Variants in PRMT3 observed in about 807,000 individuals in gnomAD.
PRMT3 encodes the protein protein arginine N-methyltransferase 3.
In PRMT3, 62 loss-of-function variants were observed where a neutral mutation model predicts 71.9. That is an observed-to-expected ratio of 0.86 (90% confidence interval 0.70 to 1.07). The LOEUF (loss-of-function observed/expected upper bound fraction) is 1.07, where lower values mean the gene tolerates loss of function less well. Ranked by LOEUF, PRMT3 falls within the 50% of genes least tolerant of loss-of-function variation. PRMT3 has a pLI of 0.00. For synonymous variants in PRMT3, 213 were observed against 220.4 expected (o/e 0.97, Z 0.30); for missense variants, 663 against 643.0 (o/e 1.03, Z -0.34).
chr11:20,404,333 A>G (rs930352953), intron 8 of PRMT3, among the ~76,000 whole-genome samples: 2 of 143,698 alleles, frequency 1.4e-5, no homozygotes, highest in Admixed American at 7.5e-5. Context: ...TCCTGGGTTC[A>G]AGCGATTCTC....
intron 13 of PRMT3, among the ~76,000 whole-genome samples, chr11:20,483,065 A>G (rs1053796511): frequency 2.6e-5 from 4 of 152,066 alleles, no homozygotes; most frequent in Admixed American, 6.6e-5. Flanking sequence ...CACATCTTCT[A>G]TATGTCCCCC....
chr11:20,470,604 A>ATGTATATGTACCACATTTTCTTT (rs1850620973), intron 13 of PRMT3, among the ~76,000 whole-genome samples: 1 of 152,098 alleles, frequency 6.6e-6, no homozygotes, highest in Non-Finnish European at 1.5e-5. Context: ...CATGGTGTAT[A>ATGTATATGTACCACATTTTCTTT]TGTATATGTA....
chr11:20,398,012 T>TAAAAA (rs11424785), intron 7 of PRMT3, among the ~76,000 whole-genome samples: 1 of 121,712 alleles, frequency 8.2e-6, no homozygotes, highest in Non-Finnish European at 1.7e-5. Context: ...TGTCTCTATT[T>TAAAAA]AAAAAAAAAA....
chr11:20,422,929 A>C (rs1411312052), intron 9 of PRMT3, among the ~76,000 whole-genome samples: 1 of 152,200 alleles, frequency 6.6e-6, no homozygotes, highest in African/African-American at 2.4e-5. Context: ...TGAATTGATA[A>C]CCCATCCACC....
rs200679773 is a variant in PRMT3, at chr11:20,392,202, C to T, written c.248-9C>T. The T allele has an allele frequency of 2.5e-5, 39 of 1,571,364 alleles. No individual in the cohort carries two copies. The highest frequency in any genetic ancestry group is 3.0e-5 in the Non-Finnish European group (35 of 1,151,662). On this transcript the variant is annotated splice_polypyrimidine_tract_variant and intron_variant, in intron 3 of 15. Coordinates refer to ENST00000331079, the MANE Select transcript of PRMT3 (RefSeq NM_005788.4). ...TTAACATAGGTGAATTATCTTTTTC[C>T]CCCTTTAGGACTTGAATTTTATGGA...
intron 9 of PRMT3, among the ~76,000 whole-genome samples, chr11:20,416,304 T>C (rs903371952): frequency 6.6e-6 from 1 of 152,136 alleles, no homozygotes; most frequent in Non-Finnish European, 1.5e-5. Flanking sequence ...GAGGGTAAAT[T>C]ACATATGATT....
chr11:20,493,583 A>T (rs1000283276), intron 13 of PRMT3, among the ~76,000 whole-genome samples: 1 of 152,212 alleles, frequency 6.6e-6, no homozygotes, highest in South Asian at 2.1e-4. Flanking sequence ...GTGGGTGGAC[A>T]TCTCAGTTGG....
intron 10 of PRMT3, among the ~76,000 whole-genome samples, chr11:20,432,911 G>C (rs1489880667): frequency 6.6e-6 from 1 of 151,936 alleles, no homozygotes. Flanking sequence ...TTGGGTTTTT[G>C]CTGTTGAGCT....
chr11:20,490,730 G>A (rs1031250888), intron 13 of PRMT3, among the ~76,000 whole-genome samples: 2 of 152,158 alleles, frequency 1.3e-5, no homozygotes, highest in South Asian at 2.1e-4. Flanking sequence ...ATGAGAGGCT[G>A]TTACATGAGT....
intron 13 of PRMT3, among the ~76,000 whole-genome samples, chr11:20,476,755 G>GTT (rs11380250): frequency 1.3e-4 from 19 of 150,170 alleles, no homozygotes; most frequent in African/African-American, 2.2e-4. Flanking sequence ...CATTTTTAGA[G>GTT]TTTTTTTATC....
intron 10 of PRMT3, among the ~76,000 whole-genome samples, chr11:20,439,069 C>G (rs1369929835): frequency 6.6e-6 from 1 of 152,194 alleles, no homozygotes; most frequent in Non-Finnish European, 1.5e-5. Context: ...CTACTCACCC[C>G]TGAAGCAAGG....
At chr11:20,424,197 A>G (rs1849491638) in intron 9 of PRMT3, among the ~76,000 whole-genome samples, 1 of 152,016 alleles carries the variant, frequency 6.6e-6, no homozygotes, top group Admixed American at 6.6e-5. Flanking sequence ...AAAAAAAAAA[A>G]AAAATTGATA....
At chr11:20,409,541 A>C (rs1004694649) in intron 9 of PRMT3, among the ~76,000 whole-genome samples, 3 of 152,148 alleles carry the variant, frequency 2.0e-5, no homozygotes, top group Non-Finnish European at 2.9e-5. Context: ...AGCGTTAGCT[A>C]TGGTTATTAT....
chr11:20,442,281 G>C (rs1660817717), intron 10 of PRMT3, among the ~76,000 whole-genome samples: 2 of 151,610 alleles, frequency 1.3e-5, no homozygotes, highest in South Asian at 4.2e-4. Context: ...CATACAACCA[G>C]ATTTCAGTGT....
chr11:20,432,582 G>C (rs1565209845), intron 10 of PRMT3, among the ~76,000 whole-genome samples: 1 of 152,140 alleles, frequency 6.6e-6, no homozygotes, highest in Non-Finnish European at 1.5e-5. Flanking sequence ...ATACCCGGTA[G>C]TGTGATTGTT....
intron 9 of PRMT3, among the ~76,000 whole-genome samples, chr11:20,423,312 A>G (rs1012062116): frequency 2.0e-5 from 3 of 152,212 alleles, no homozygotes; most frequent in African/African-American, 7.2e-5. Flanking sequence ...TATTTTGCCT[A>G]TAATTCTGGG....
At chr11:20,497,560 TGTTAGCCTTGATTAACA>T (rs1851361245) in intron 15 of PRMT3, among the ~76,000 whole-genome samples, 1 of 152,214 alleles carries the variant, frequency 6.6e-6, no homozygotes, top group African/African-American at 2.4e-5. Flanking sequence ...AAGCCTTTGA[TGTTAGCCTTGATTAACA>T]GATGCTGGGA....
At chr11:20,499,727 C>T (rs1057128516) in intron 15 of PRMT3, among the ~76,000 whole-genome samples, 6 of 152,052 alleles carry the variant, frequency 3.9e-5, no homozygotes, top group African/African-American at 1.4e-4. Flanking sequence ...TAAATTCACG[C>T]TTAAATAGAC....
chr11:20,437,490 CTT>C (rs1414083092), intron 10 of PRMT3, among the ~76,000 whole-genome samples: 1 of 152,132 alleles, frequency 6.6e-6, no homozygotes, highest in South Asian at 2.1e-4. Context: ...GGTATAGTCT[CTT>C]TGCAGCTTCT....
Sources: allele counts gnomAD v4.1 joint callset (sites outside exome capture counted in the v4.1 genomes callset), GRCh38; gene constraint gnomAD v4.1.1; transcripts MANE v1.5; gene names NCBI Gene and HGNC (gene_info 2026-07-23, HGNC 2026-07-21).